The following GRAMD4 variants were observed in gnomAD, a reference collection of about 807,000 sequenced individuals.
The protein encoded by GRAMD4 is GRAM domain-containing protein 4.
A neutral mutation model predicts 83.9 loss-of-function variants in GRAMD4; 25 were observed. That is an observed-to-expected ratio of 0.30 (90% CI 0.22 to 0.42). The LOEUF is 0.42. Ranked by LOEUF, GRAMD4 falls within the 10% of genes least tolerant of loss-of-function variation. The pLI, the probability that GRAMD4 is intolerant of heterozygous loss-of-function variation, is 1.00. For synonymous variants in GRAMD4, 336 were observed against 320.9 expected (o/e 1.05, Z -0.50); for missense variants, 593 against 788.7 (o/e 0.75, Z 2.97).
At chr22:46,665,507 G>A in intron 8 of GRAMD4, 108 bp from the exon 9 acceptor site, 1 of 633,022 alleles carries the variant, frequency 1.6e-6, no homozygotes, top group Non-Finnish European at 2.9e-6. Context: ...GAGCCAGCGG[G>A]TGGCCTGGTC....
intron 2 of GRAMD4, 97 bp from the exon 3 acceptor site, chr22:46,637,743 C>A: frequency 7.5e-7 from 1 of 1,334,614 alleles, no homozygotes; most frequent in African/African-American, 1.5e-5. Context: ...GCCACTGCTG[C>A]CATCCTGGGG....
At chr22:46,618,675 G>A (rs982285106), upstream of GRAMD4, among the ~76,000 whole-genome samples, 4 of 152,136 alleles carry the variant, frequency 2.6e-5, no homozygotes, top group African/African-American at 7.2e-5. The surrounding 1 kb of genome is among the most constrained non-coding windows in gnomAD (Gnocchi z 5.8). Flanking sequence ...CGGGAGGCAC[G>A]CGGCTGCCTG....
At chr22:46,609,457 A>G (rs965030544) in intron 1 of GRAMD4, among the ~76,000 whole-genome samples, 1 of 152,202 alleles carries the variant, frequency 6.6e-6, no homozygotes, top group Non-Finnish European at 1.5e-5. Flanking sequence ...GAAGTTGACA[A>G]AAGGGGAGGT....
Position 46,606,604 on chromosome 22 carries a change from C to T in GRAMD4, c.-49-20147C>T, listed in dbSNP as rs564502815. Among the ~76,000 whole-genome samples, 58 of 138,404 alleles carry T rather than the reference C, an allele frequency of 4.2e-4. 1 individual carries two copies. Among genetic ancestry groups the T allele is most frequent in the African/African-American group, 1.3e-3 (47 of 36,808 alleles). 90.8% of individuals were successfully genotyped at this position (138,404 alleles called of 152,430 possible). ...AGCATCTCTGCATGGGTTTATTGAC[C>T]GGTGCTGAGCATGTCTGCATGGGCT... On this transcript the variant is annotated intron_variant, in intron 1 of 1. Transcript: ENST00000431155.
intron 1 of GRAMD4, among the ~76,000 whole-genome samples, chr22:46,581,018 A>G (rs947144714): frequency 3.6e-4 from 54 of 151,810 alleles, no homozygotes; most frequent in African/African-American, 1.2e-3. Context: ...GTGTTTCCCT[A>G]ATTGGAGAAA....
intron 2 of GRAMD4, among the ~76,000 whole-genome samples, chr22:46,628,210 G>T (rs1189292225): frequency 6.6e-6 from 1 of 152,204 alleles, no homozygotes; most frequent in Non-Finnish European, 1.5e-5. Flanking sequence ...CCAGAGCGGG[G>T]CTGTTTCCCC....
At chr22:46,669,338 A>G (rs1353312753) in intron 13 of GRAMD4, among the ~76,000 whole-genome samples, 1 of 152,118 alleles carries the variant, frequency 6.6e-6, no homozygotes, top group Non-Finnish European at 1.5e-5. Context: ...ACGTGAAGCC[A>G]AGGGTCTCAT....
At chr22:46,578,675 C>T (rs564625000) in intron 1 of GRAMD4, among the ~76,000 whole-genome samples, 1 of 152,276 alleles carries the variant, frequency 6.6e-6, no homozygotes, top group African/African-American at 2.4e-5. Context: ...GCCTCTGCCC[C>T]GTGCTGGGGT....
intron 1 of GRAMD4, among the ~76,000 whole-genome samples, chr22:46,605,785 T>G (rs2081359625): frequency 6.7e-6 from 1 of 148,274 alleles, no homozygotes; most frequent in Admixed American, 6.7e-5. Context: ...CATCTCTGCA[T>G]GGGCCTATGG....
chr22:46,669,265 G>A (rs1360956889), intron 13 of GRAMD4, among the ~76,000 whole-genome samples: 5 of 152,226 alleles, frequency 3.3e-5, no homozygotes, highest in Non-Finnish European at 5.9e-5. Flanking sequence ...CAGTCATGGA[G>A]AGCCTGAGAG....
intron 1 of GRAMD4, among the ~76,000 whole-genome samples, chr22:46,625,297 G>A (rs546369475): frequency 2.5e-4 from 38 of 152,304 alleles, no homozygotes; most frequent in Non-Finnish European, 4.7e-4. Flanking sequence ...CTGTGTCTTC[G>A]GTCCTCACTG....
intron 3 of GRAMD4, among the ~76,000 whole-genome samples, chr22:46,642,837 A>G (rs1569283352): frequency 6.6e-6 from 1 of 152,190 alleles, no homozygotes; most frequent in Non-Finnish European, 1.5e-5. Context: ...TCATCCAGTT[A>G]TTCCCCAAAG....
At chr22:46,615,715 CGT>C (rs2081476846), upstream of GRAMD4, among the ~76,000 whole-genome samples, 1 of 30,242 alleles carries the variant, frequency 3.3e-5, no homozygotes, top group African/African-American at 1.2e-4. Context: ...TTCCCCTGTG[CGT>C]GTAGGTTCCC....
At chr22:46,609,921 G>C (rs2081401385) in intron 1 of GRAMD4, among the ~76,000 whole-genome samples, 1 of 152,230 alleles carries the variant, frequency 6.6e-6, no homozygotes, top group African/African-American at 2.4e-5. Context: ...GGCCTACACT[G>C]GTGGCTGTTC....
At chr22:46,612,622 G>A (rs970053728) in intron 1 of GRAMD4, among the ~76,000 whole-genome samples, 3 of 152,250 alleles carry the variant, frequency 2.0e-5, no homozygotes, top group Non-Finnish European at 4.4e-5. Context: ...GAGCTCACAC[G>A]CGTGCTCAGG....
chr22:46,666,036 G>A (rs2082403778), intron 9 of GRAMD4, among the ~76,000 whole-genome samples: 1 of 152,230 alleles, frequency 6.6e-6, no homozygotes, highest in South Asian at 2.1e-4. Flanking sequence ...AGGGCTCCAC[G>A]CCCCGGAAGG....
At chr22:46,598,786 G>C (rs536622548) in intron 1 of GRAMD4, among the ~76,000 whole-genome samples, 1 of 152,126 alleles carries the variant, frequency 6.6e-6, no homozygotes, top group East Asian at 1.9e-4. Context: ...AAATCCGTGC[G>C]GGCCAGCGGG....
chr22:46,680,726 C>CCATT (rs1485290335), downstream of GRAMD4, among the ~76,000 whole-genome samples: 10 of 86,282 alleles, frequency 1.2e-4, no homozygotes, highest in African/African-American at 2.1e-4. Context: ...ACCCACCCAC[C>CCATT]CATCCATCCA....
intron 13 of GRAMD4, among the ~76,000 whole-genome samples, chr22:46,670,445 G>T (rs1686319265): frequency 6.6e-6 from 1 of 152,214 alleles, no homozygotes; most frequent in South Asian, 2.1e-4. Flanking sequence ...TGAATGGGTA[G>T]GTGACCACTG....
Sources: allele counts gnomAD v4.1 joint callset (sites outside exome capture counted in the v4.1 genomes callset), GRCh38; gene constraint gnomAD v4.1.1; non-coding constraint Gnocchi (gnomAD v3.1); transcripts MANE v1.5; gene names NCBI Gene and HGNC (gene_info 2026-07-23, HGNC 2026-07-21).